ESR1: variants seen among roughly 807,000 people sequenced by gnomAD.
ESR1 encodes the protein estrogen receptor 1.
ESR1 carries 12 observed loss-of-function variants against 52.7 expected under a neutral mutation model. The observed-to-expected ratio is 0.23, with a 90% CI of 0.15 to 0.37. The LOEUF is 0.37. Among genes scored for constraint, ESR1 ranks in the 10% least tolerant of loss-of-function variants. The pLI, the probability that ESR1 is intolerant of heterozygous loss-of-function variation, is 1.00. For missense variants in ESR1, 584 were observed against 779.7 expected, an observed-to-expected ratio of 0.75 and a Z score of 2.99; for synonymous variants, 305 against 316.8, an observed-to-expected ratio of 0.96 and a Z score of 0.39.
Position 151,787,617 on chromosome 6 carries a change from G to A in ESR1, c.-70-20226G>A, listed in dbSNP as rs1425865580. On this transcript the variant is annotated intron_variant, in intron 2 of 2. Transcript: ENST00000404742. ...TTTCTTTTGTGGCAATTGTGAATGG[G>A]ATTGTGTTCCTGATTTGGCTCTTTG... Among the ~76,000 whole-genome samples, 4 of 152,126 alleles carry A rather than the reference G, an allele frequency of 2.6e-5. No homozygotes were observed. The East Asian group carries it at 7.7e-4, about 29-fold the overall frequency.
chr6:151,666,104 C>T (rs1412844475), intron 1 of ESR1, among the ~76,000 whole-genome samples: 1 of 152,130 alleles, frequency 6.6e-6, no homozygotes, highest in Non-Finnish European at 1.5e-5. Flanking sequence ...TGAAATGTGT[C>T]TTTCATAAGT....
At chr6:151,862,126 A>G (rs1788997336) in intron 2 of ESR1, among the ~76,000 whole-genome samples, 1 of 152,190 alleles carries the variant, frequency 6.6e-6, no homozygotes, top group Admixed American at 6.6e-5. Context: ...TGAATGCATC[A>G]TCTCATTTAA....
intron 2 of ESR1, among the ~76,000 whole-genome samples, chr6:151,779,869 C>G (rs1583251525): frequency 8.0e-6 from 1 of 124,816 alleles, no homozygotes; most frequent in Middle Eastern, 3.8e-3. Context: ...CACTGCACTC[C>G]ACCCTGGGCG....
At chr6:151,929,960 T>G (rs1245303221) in intron 3 of ESR1, among the ~76,000 whole-genome samples, 2 of 152,136 alleles carry the variant, frequency 1.3e-5, no homozygotes, top group African/African-American at 4.8e-5. Context: ...CATTTTATCT[T>G]TTCTCTTAGA....
At position 152,094,343 on chromosome 6, in the gene ESR1, C is replaced by G. The variant is rs1325500460; in HGVS notation, c.1370-42C>G. 1 of 1,583,758 alleles carries G rather than the reference C, an allele frequency of 6.3e-7. No individual in the cohort carries two copies. The highest frequency in any genetic ancestry group is 8.7e-7 in the Non-Finnish European group (1 of 1,152,620). On this transcript the variant is annotated intron_variant, in intron 6 of 7. Coordinates refer to ENST00000206249, the MANE Select transcript of ESR1 (RefSeq NM_000125.4). The surrounding 1 kb of genome is among the most constrained non-coding windows in gnomAD (Gnocchi z 4.6). Reference sequence around the variant, plus strand: ...CACTCTGGGTCTCCTAGACCTCATCCTCTTTGAGCTTCTCTCTCTCACTCT... The same window carrying G: ...CACTCTGGGTCTCCTAGACCTCATCGTCTTTGAGCTTCTCTCTCTCACTCT...
intron 3 of ESR1, among the ~76,000 whole-genome samples, chr6:151,930,641 T>C (rs968315915): frequency 6.6e-6 from 1 of 152,202 alleles, no homozygotes; most frequent in East Asian, 1.9e-4. Context: ...TTCCATGCTT[T>C]ATGTAGATCC....
intron 1 of ESR1, among the ~76,000 whole-genome samples, chr6:151,829,425 A>AT (rs564218656): frequency 7.7e-4 from 117 of 151,592 alleles, no homozygotes; most frequent in African/African-American, 2.2e-3. Context: ...TAGAAAAGTG[A>AT]TTTTTTTTGT....
chr6:151,840,196 C>T (rs530293538), intron 1 of ESR1, among the ~76,000 whole-genome samples: 9 of 152,264 alleles, frequency 5.9e-5, no homozygotes, highest in African/African-American at 2.2e-4. Context: ...AATATCTACT[C>T]CCACCTCCAA....
rs182828024 is a variant in ESR1 at position 152,003,524 on chromosome 6, A to G, written c.1097-8132A>G. ...ATTTTCCCATGAAACAAGTAAAATT[A>G]TTACTGCTTTTGAACATTTTAACAC... On this transcript the variant is annotated intron_variant, in intron 4 of 7. Transcript: ENST00000206249. Among the ~76,000 whole-genome samples, 35 of 152,078 alleles carry G rather than the reference A, an allele frequency of 2.3e-4. No homozygotes were observed. The East Asian group carries it at 5.0e-3, about 22-fold the overall frequency.
At chr6:152,066,103 T>A (rs746749260) in intron 6 of ESR1, among the ~76,000 whole-genome samples, 2 of 152,204 alleles carry the variant, frequency 1.3e-5, no homozygotes, top group Non-Finnish European at 2.9e-5. Flanking sequence ...TCATGCTTTG[T>A]TAATGTGGCA....
intron 6 of ESR1, among the ~76,000 whole-genome samples, chr6:152,108,534 A>G (rs2051094624): frequency 6.6e-6 from 1 of 152,182 alleles, no homozygotes; most frequent in African/African-American, 2.4e-5. Context: ...TCTCAGCCAT[A>G]GCTGGGGATC....
At chr6:151,711,099 A>G (rs933568462) in intron 2 of ESR1, among the ~76,000 whole-genome samples, 3 of 152,128 alleles carry the variant, frequency 2.0e-5, no homozygotes, top group Admixed American at 2.0e-4. Flanking sequence ...CGGTATTTCT[A>G]GTTCTAGATC....
At chr6:152,114,957 TC>T (rs2051193041) in intron 6 of ESR1, among the ~76,000 whole-genome samples, 1 of 151,824 alleles carries the variant, frequency 6.6e-6, no homozygotes, top group Non-Finnish European at 1.5e-5. Flanking sequence ...GAAGTACTTT[TC>T]TTTTGTCTTT....
At chr6:151,826,711 G>A (rs1406366643) in intron 1 of ESR1, among the ~76,000 whole-genome samples, 1 of 152,176 alleles carries the variant, frequency 6.6e-6, no homozygotes, top group Non-Finnish European at 1.5e-5. Context: ...ACTTCATGGG[G>A]TGGCTGACCC....
intron 4 of ESR1, among the ~76,000 whole-genome samples, chr6:151,974,403 C>T (rs577864706): frequency 1.1e-4 from 16 of 152,232 alleles, no homozygotes; most frequent in East Asian, 3.9e-4. Flanking sequence ...CAGAGGCTGC[C>T]GGAGGTCACA....
intron 5 of ESR1, among the ~76,000 whole-genome samples, chr6:152,025,394 T>C (rs990987311): frequency 3.3e-5 from 5 of 151,876 alleles, no homozygotes; most frequent in Admixed American, 6.6e-5. Flanking sequence ...ATAGGTGAGC[T>C]CTCTGGAAAC....
chr6:151,897,610 C>A (rs1434030661), intron 3 of ESR1, among the ~76,000 whole-genome samples: 1 of 152,130 alleles, frequency 6.6e-6, no homozygotes, highest in Non-Finnish European at 1.5e-5. Flanking sequence ...GCAGCAGATA[C>A]TTGGTTGGTG....
chr6:151,886,554 CAG>C (rs1453329923), intron 3 of ESR1, among the ~76,000 whole-genome samples: 1 of 152,012 alleles, frequency 6.6e-6, no homozygotes, highest in African/African-American at 2.4e-5. Flanking sequence ...CTAATATAGA[CAG>C]GGAAATATAC....
At chr6:152,064,983 A>G (rs922474578) in intron 6 of ESR1, among the ~76,000 whole-genome samples, 1 of 152,214 alleles carries the variant, frequency 6.6e-6, no homozygotes, top group Non-Finnish European at 1.5e-5. Context: ...GGAAGTGTCT[A>G]TTGCAGTTCA....
Sources: allele counts gnomAD v4.1 joint callset (sites outside exome capture counted in the v4.1 genomes callset), GRCh38; gene constraint gnomAD v4.1.1; non-coding constraint Gnocchi (gnomAD v3.1); transcripts MANE v1.5; gene names NCBI Gene and HGNC (gene_info 2026-07-23, HGNC 2026-07-21).